The following GALNT7 variants were observed in gnomAD, a reference collection of about 807,000 sequenced individuals.
GALNT7 encodes polypeptide N-acetylgalactosaminyltransferase 7.
GALNT7 carries 60 observed loss-of-function variants against 82.1 expected under a neutral mutation model. That is an observed-to-expected ratio of 0.73 (90% confidence interval 0.59 to 0.91). The LOEUF is 0.91. Ranked by LOEUF, GALNT7 falls within the 40% of genes least tolerant of loss-of-function variation. The probability of loss-of-function intolerance (pLI) is 0.00; values close to 1 mark genes in which losing one functional copy is unlikely to be tolerated. For synonymous variants in GALNT7, 243 were observed against 275.1 expected, an observed-to-expected ratio of 0.88 and a Z score of 1.15; for missense variants, 660 against 804.2, an observed-to-expected ratio of 0.82 and a Z score of 2.17.
chr4:173,296,646 A>G (rs1736724618), intron 5 of GALNT7, among the ~76,000 whole-genome samples: 1 of 152,198 alleles, frequency 6.6e-6, no homozygotes, highest in South Asian at 2.1e-4. Flanking sequence ...ATTTTCCCCA[A>G]ATCAGAGAGC....
chr4:173,214,288 T>TAA (rs11330286), intron 1 of GALNT7, among the ~76,000 whole-genome samples: 2,606 of 140,586 alleles, frequency 0.019, 42 homozygotes, highest in African/African-American at 0.041. Context: ...CAAAGCTCTT[T>TAA]AAAAAAAAAA....
chr4:173,321,816 T>C lies in GALNT7; in HGVS notation c.*99T>C, dbSNP rs2126881385. The C allele has an allele frequency of 1.3e-6, 1 of 750,938 alleles. No individual in the cohort carries two copies. The highest frequency in any genetic ancestry group is 3.1e-4 in the Middle Eastern group (1 of 3,206). 46.5% of individuals were successfully genotyped at this position (750,938 alleles called of 1,614,324 possible). A position where few individuals can be genotyped will look rare whatever the true frequency, so the allele number is the denominator to read the frequency against. ...GCTGCAACTATTGTTATTAACTCTGTATAGCTCCAAACCTGGAACCTCCTG... is the reference window on the plus strand; with the variant it reads ...GCTGCAACTATTGTTATTAACTCTGCATAGCTCCAAACCTGGAACCTCCTG... On this transcript the variant is annotated 3_prime_UTR_variant, in exon 12 of 12. Coordinates refer to ENST00000265000, the MANE Select transcript of GALNT7 (RefSeq NM_017423.3).
chr4:173,318,285 G>A lies in GALNT7; in HGVS notation c.1708-146G>A, dbSNP rs1002161624. The A allele has an allele frequency of 6.8e-6, 4 of 589,134 alleles. No individual in the cohort carries two copies. The Admixed American group carries it at 1.1e-4, about 16-fold the overall frequency. The allele number at this position is 589,134 out of a possible 1,614,324, so 36.5% of individuals were successfully genotyped here. A position where few individuals can be genotyped will look rare whatever the true frequency, so the allele number is the denominator to read the frequency against. On this transcript the variant is annotated intron_variant, in intron 10 of 11. Coordinates refer to ENST00000265000, the MANE Select transcript of GALNT7 (RefSeq NM_017423.3). ...ACTAACATCAAAATAAATATAATTT[G>A]TCTGTGGACTTACAGTTCTAAACAA...
At chr4:173,312,234 T>A (rs1048243212) in intron 8 of GALNT7, among the ~76,000 whole-genome samples, 1 of 152,242 alleles carries the variant, frequency 6.6e-6, no homozygotes, top group Non-Finnish European at 1.5e-5. Flanking sequence ...ACAGAACACC[T>A]GAGGCTGGGT....
At chr4:173,247,958 A>G (rs1734706721) in intron 1 of GALNT7, 22 bp from the exon 2 acceptor site, 3 of 1,528,560 alleles carry the variant, frequency 2.0e-6, no homozygotes, top group African/African-American at 1.4e-5. Context: ...TACTCATTGT[A>G]TATCCCCTCC....
At chr4:173,186,440 A>G (rs1732463599) in intron 1 of GALNT7, among the ~76,000 whole-genome samples, 2 of 152,166 alleles carry the variant, frequency 1.3e-5, no homozygotes, top group Admixed American at 6.5e-5. Flanking sequence ...GTAGACATAA[A>G]ATCAACTTCA....
At chr4:173,213,177 C>T (rs1579916614) in intron 1 of GALNT7, among the ~76,000 whole-genome samples, 1 of 152,062 alleles carries the variant, frequency 6.6e-6, no homozygotes, top group East Asian at 1.9e-4. Flanking sequence ...GTGGTCAAGA[C>T]CCTTAAAACA....
intron 1 of GALNT7, among the ~76,000 whole-genome samples, chr4:173,204,153 A>G (rs1249543852): frequency 6.6e-6 from 1 of 152,120 alleles, no homozygotes; most frequent in African/African-American, 2.4e-5. Context: ...TGAATGTATC[A>G]TCTCACTCTC....
rs1321363891 is a variant in GALNT7, at chr4:173,267,301, C to T, written c.587+18861C>T. 2.0e-5 allele frequency among the ~76,000 whole-genome samples: 3 copies of T among 152,024 alleles called. No individual in the cohort carries two copies. In the East Asian group the frequency reaches 5.8e-4, roughly 29 times the overall value. On this transcript the variant is annotated intron_variant, in intron 2 of 11. Transcript: ENST00000265000. Reference sequence around the variant, plus strand: ...GGGCAAAATTTACCATTGTACCATGCCTGTCACTTAGATCACCCTCCAGCC... The same window carrying T: ...GGGCAAAATTTACCATTGTACCATGTCTGTCACTTAGATCACCCTCCAGCC...
At position 173,314,081 on chromosome 4, in the gene GALNT7, C is replaced by CACA. The variant is rs1386152718; in HGVS notation, c.1516_1518dup (p.Asn506dup). 4 of 1,613,410 alleles carry CACA rather than the reference C, an allele frequency of 2.5e-6. No individual in the cohort carries two copies. The highest frequency in any genetic ancestry group is 2.7e-5 in the African/African-American group (2 of 74,886). On this transcript the variant is annotated inframe_insertion, in exon 9 of 12. Coordinates refer to ENST00000265000, the MANE Select transcript of GALNT7 (RefSeq NM_017423.3). Reference sequence around the variant, plus strand: ...GGAGCTGAAAAAATTTCGAGAAGATCACAACTGCAAAAGTTTTAAGTGGTT... The same window carrying CACA: ...GGAGCTGAAAAAATTTCGAGAAGATCACAACAACTGCAAAAGTTTTAAGTGGTT...
chr4:173,260,245 A>G lies in GALNT7; in HGVS notation c.587+11805A>G, dbSNP rs73872509. On this transcript the variant is annotated intron_variant, in intron 2 of 11. Coordinates refer to ENST00000265000, the MANE Select transcript of GALNT7 (RefSeq NM_017423.3). ...TACCATAGGCAAATTGATATTGTTG[A>G]CTGAAGGAAAAAAATTTAAGCTTTT... Among the ~76,000 whole-genome samples, 1,329 of 152,324 alleles carry G rather than the reference A, an allele frequency of 8.7e-3. 19 individuals are homozygous for G. Among genetic ancestry groups the G allele is most frequent in the African/African-American group, 0.03 (1,266 of 41,560 alleles).
At chr4:173,178,357 A>G (rs1488221382) in intron 1 of GALNT7, among the ~76,000 whole-genome samples, 1 of 152,192 alleles carries the variant, frequency 6.6e-6, no homozygotes, top group Non-Finnish European at 1.5e-5. Flanking sequence ...CAGCATTTCA[A>G]TACTCTTAGT....
intron 1 of GALNT7, among the ~76,000 whole-genome samples, chr4:173,233,778 C>G (rs1734119589): frequency 6.6e-6 from 1 of 152,198 alleles, no homozygotes; most frequent in South Asian, 2.1e-4. Flanking sequence ...CTCTCACATG[C>G]TTTTTAATGT....
intron 1 of GALNT7, among the ~76,000 whole-genome samples, chr4:173,212,352 A>C (rs1733307030): frequency 6.6e-6 from 1 of 152,230 alleles, no homozygotes; most frequent in African/African-American, 2.4e-5. Flanking sequence ...CCTGTTAAAT[A>C]AAATAATGAT....
At chr4:173,273,200 C>A (rs1478065832) in intron 2 of GALNT7, among the ~76,000 whole-genome samples, 3 of 152,182 alleles carry the variant, frequency 2.0e-5, no homozygotes, top group Admixed American at 6.5e-5. Context: ...GGCATATAAT[C>A]ACTCACTGAG....
At chr4:173,219,149 C>T (rs1282804267) in intron 1 of GALNT7, among the ~76,000 whole-genome samples, 1 of 152,008 alleles carries the variant, frequency 6.6e-6, no homozygotes, top group Non-Finnish European at 1.5e-5. Context: ...TCCCGAGTCC[C>T]CAAAGTCCAT....
At chr4:173,301,035 T>C (rs1736906824) in intron 6 of GALNT7, among the ~76,000 whole-genome samples, 1 of 151,646 alleles carries the variant, frequency 6.6e-6, no homozygotes, top group African/African-American at 2.4e-5. Context: ...CTCAGGAGGC[T>C]GAGGTGGGAG....
At chr4:173,220,789 A>G (rs1039284628) in intron 1 of GALNT7, among the ~76,000 whole-genome samples, 2 of 151,986 alleles carry the variant, frequency 1.3e-5, no homozygotes, top group Admixed American at 1.3e-4. Flanking sequence ...ACTGAGAATG[A>G]TAATTTCCAA....
intron 1 of GALNT7, among the ~76,000 whole-genome samples, chr4:173,208,790 A>T (rs1168529665): frequency 3.9e-5 from 6 of 152,234 alleles, no homozygotes; most frequent in Admixed American, 6.5e-5. Context: ...TGAGCTGAAC[A>T]TTGCAGTGCT....
Sources: gnomAD v4.1 joint callset for allele counts (sites outside exome capture counted in the v4.1 genomes callset) on GRCh38, gnomAD v4.1.1 for gene constraint, MANE v1.5 for transcripts, NCBI Gene and HGNC (gene_info 2026-07-23, HGNC 2026-07-21) for gene names.